Variants in CWF19L2 observed in about 807,000 individuals in gnomAD.
CWF19L2 encodes CWF19 like cell cycle control factor 2.
In CWF19L2, 98 loss-of-function variants were observed where a neutral mutation model predicts 111.7. The ratio of observed to expected loss-of-function variants is 0.88; its 90% CI spans 0.75 to 1.04. The LOEUF is 1.04. Ranked by LOEUF, CWF19L2 falls within the 50% of genes least tolerant of loss-of-function variation. The pLI is 0.00. For synonymous variants in CWF19L2, 351 were observed against 342.9 expected (o/e 1.02, Z -0.26); for missense variants, 1,101 against 1,051.4 (o/e 1.05, Z -0.65).
intron 3 of CWF19L2, among the ~76,000 whole-genome samples, chr11:107,450,783 G>A (rs563320215): frequency 2.6e-5 from 4 of 152,162 alleles, no homozygotes; most frequent in Non-Finnish European, 5.9e-5. Context: ...AGATAAAAAC[G>A]AAAACTTCGT....
At chr11:107,406,872 A>G (rs1015973885) in intron 10 of CWF19L2, among the ~76,000 whole-genome samples, 1 of 151,548 alleles carries the variant, frequency 6.6e-6, no homozygotes, top group Non-Finnish European at 1.5e-5. Flanking sequence ...CTGTGTTACT[A>G]TTGGCTAATG....
At chr11:107,360,924 T>C (rs1198278395) in intron 12 of CWF19L2, among the ~76,000 whole-genome samples, 1 of 152,222 alleles carries the variant, frequency 6.6e-6, no homozygotes, top group Non-Finnish European at 1.5e-5. Flanking sequence ...TCTCGCACTG[T>C]GCAGGCTATC....
chr11:107,445,558 C>T (rs1861689552), intron 3 of CWF19L2, among the ~76,000 whole-genome samples: 1 of 150,888 alleles, frequency 6.6e-6, no homozygotes, highest in African/African-American at 2.4e-5. Context: ...GAGCCAAGAT[C>T]GTGCCATTGC....
Position 107,439,183 on chromosome 11 carries a change from A to G in CWF19L2, c.571T>C (p.Ser191Pro). Residue 191 changes from serine to proline, a missense_variant and splice_region_variant, in exon 6 of 18, where the codon TCC becomes CCC. Physicochemically the swap from Ser to Pro is moderately conservative, Grantham distance 74. Transcript: ENST00000282251. The stretch of plus-strand genomic sequence containing the variant: ...TTCAATTCTCTTTCCATCAGTTTGG[A>G]CTAGAACAAATTATTTTCAGAGGTG... ...EQEKNQALEQ[S>P]KLMERELNPY... 1 of 1,573,370 alleles carries G rather than the reference A, an allele frequency of 6.4e-7. No individual in the cohort carries two copies. Among genetic ancestry groups the G allele is most frequent in the Non-Finnish European group, 8.6e-7 (1 of 1,158,390 alleles).
At chr11:107,366,944 AT>A (rs1194596822) in intron 12 of CWF19L2, among the ~76,000 whole-genome samples, 3 of 84,456 alleles carry the variant, frequency 3.6e-5, no homozygotes, top group Admixed American at 1.2e-4. Context: ...AAGGGCTAAT[AT>A]CCAGAATCTA....
chr11:107,411,511 T>C (rs1208836028), intron 10 of CWF19L2, among the ~76,000 whole-genome samples: 2 of 152,140 alleles, frequency 1.3e-5, no homozygotes, highest in African/African-American at 4.8e-5. Context: ...GAATAAGCTA[T>C]ACAAAACTAA....
intron 17 of CWF19L2, among the ~76,000 whole-genome samples, chr11:107,329,525 T>C (rs1565239918): frequency 1.3e-5 from 2 of 152,182 alleles, no homozygotes; most frequent in Non-Finnish European, 2.9e-5. Context: ...TTTCTTCATC[T>C]GTAAAGTGAA....
In CWF19L2 at chr11:107,455,812, T is replaced by G. The variant is rs1861846544; in HGVS notation, c.106-36A>C. The G allele has an allele frequency of 3.1e-6, 4 of 1,297,370 alleles. No individual in the cohort carries two copies. The South Asian group carries it at 4.0e-5, about 13-fold the overall frequency. The allele number at this position is 1,297,370 out of a possible 1,614,324, so 80.4% of individuals were successfully genotyped here. A position where few individuals can be genotyped will look rare whatever the true frequency, so the allele number is the denominator to read the frequency against. On this transcript the variant is annotated intron_variant, in intron 1 of 17. Transcript: ENST00000282251. The stretch of plus-strand genomic sequence containing the variant: ...AGAAAAAAAAAAGACAAACTGGCAA[T>G]TGACCCAACTGGGTTTCACAAAAAA...
intron 3 of CWF19L2, among the ~76,000 whole-genome samples, 196 bp from the exon 4 acceptor site, chr11:107,443,245 C>T (rs1861656621): frequency 6.6e-6 from 1 of 152,120 alleles, no homozygotes; most frequent in Admixed American, 6.5e-5. Context: ...CTTTGGGAGG[C>T]TGAGGCAGGC....
intron 12 of CWF19L2, among the ~76,000 whole-genome samples, chr11:107,376,463 C>T (rs1371656981): frequency 8.6e-5 from 8 of 93,056 alleles, no homozygotes; most frequent in African/African-American, 1.3e-4. Flanking sequence ...GTTCAATATA[C>T]GCAAATCAAT....
intron 14 of CWF19L2, among the ~76,000 whole-genome samples, chr11:107,341,590 C>A (rs116220468): frequency 6.6e-6 from 1 of 152,052 alleles, no homozygotes; most frequent in Non-Finnish European, 1.5e-5. Flanking sequence ...CACTAACTTA[C>A]GGTATCAGGA....
intron 14 of CWF19L2, among the ~76,000 whole-genome samples, chr11:107,345,783 T>C (rs1168548317): frequency 6.6e-6 from 1 of 152,162 alleles, no homozygotes. Context: ...AAATACGCTA[T>C]ACAAAAATAT....
Position 107,441,993 on chromosome 11 carries a change from C to T in CWF19L2, c.451-371G>A, listed in dbSNP as rs191645880. ...TTACATTCTTCCTGAGGCAGATGAACTATAGCCCAAAATTTTTGAACTATT... is the reference window on the plus strand; with the variant it reads ...TTACATTCTTCCTGAGGCAGATGAATTATAGCCCAAAATTTTTGAACTATT... On this transcript the variant is annotated intron_variant, in intron 4 of 17. Transcript: ENST00000282251. 2.5e-4 allele frequency among the ~76,000 whole-genome samples: 38 copies of T among 152,126 alleles called. No individual in the cohort carries two copies. In the East Asian group the frequency reaches 6.6e-3, roughly 26 times the overall value.
At chr11:107,336,267 C>T (rs1261974424) in intron 15 of CWF19L2, among the ~76,000 whole-genome samples, 1 of 151,996 alleles carries the variant, frequency 6.6e-6, no homozygotes, top group Non-Finnish European at 1.5e-5. Context: ...CTGCCTCAGC[C>T]TCCTGAGTAG....
intron 8 of CWF19L2, among the ~76,000 whole-genome samples, chr11:107,426,320 A>AT (rs1861376090): frequency 1.3e-5 from 2 of 151,900 alleles, no homozygotes; most frequent in Non-Finnish European, 2.9e-5. Flanking sequence ...TATGGCAAAG[A>AT]TTTAAAAAGT....
intron 8 of CWF19L2, among the ~76,000 whole-genome samples, chr11:107,421,685 A>C (rs1185855672): frequency 1.3e-5 from 2 of 152,118 alleles, no homozygotes; most frequent in African/African-American, 4.8e-5. Flanking sequence ...GAAGAGCTAA[A>C]ATTTACAAGA....
chr11:107,329,846 T>G lies in CWF19L2; in HGVS notation c.2541+72A>C, dbSNP rs78443769. 433 of 1,238,952 alleles carry G rather than the reference T, an allele frequency of 3.5e-4. 3 individuals carry two copies. In the East Asian group the frequency reaches 9.2e-3, roughly 26 times the overall value. 76.7% of individuals were successfully genotyped at this position (1,238,952 alleles called of 1,614,324 possible). Reference sequence around the variant, plus strand: ...TTTCTTTGTATACTGTGCCCAAAGTTTTTATTTCCTTTCAAAAGAAAAATG... The same window carrying G: ...TTTCTTTGTATACTGTGCCCAAAGTGTTTATTTCCTTTCAAAAGAAAAATG... On this transcript the variant is annotated intron_variant, in intron 17 of 17. Transcript: ENST00000282251.
intron 16 of CWF19L2, among the ~76,000 whole-genome samples, 155 bp from the exon 17 acceptor site, chr11:107,330,174 A>T (rs1859824602): frequency 6.6e-6 from 1 of 152,200 alleles, no homozygotes; most frequent in Non-Finnish European, 1.5e-5. Flanking sequence ...TTAAACAATG[A>T]CCTAACTTTC....
At chr11:107,362,361 T>G (rs1860364369) in intron 12 of CWF19L2, among the ~76,000 whole-genome samples, 2 of 151,892 alleles carry the variant, frequency 1.3e-5, no homozygotes, top group Admixed American at 1.3e-4. Context: ...AGGCTTCACC[T>G]CTGGGGGCAG....
Sources: gnomAD v4.1 joint callset for allele counts (sites outside exome capture counted in the v4.1 genomes callset) on GRCh38, gnomAD v4.1.1 for gene constraint, MANE v1.5 for transcripts, NCBI Gene and HGNC (gene_info 2026-07-23, HGNC 2026-07-21) for gene names.